CYP2F1: variants seen among roughly 807,000 people sequenced by gnomAD.
CYP2F1 encodes cytochrome P450 2F1.
A neutral mutation model predicts 40.4 loss-of-function variants in CYP2F1; 33 were observed. The observed-to-expected ratio is 0.82, with a 90% CI of 0.62 to 1.09. CYP2F1 has a LOEUF of 1.09. CYP2F1 is among the 50% of genes least tolerant of loss of function. The probability of loss-of-function intolerance (pLI) is 0.00; values close to 1 mark genes in which losing one functional copy is unlikely to be tolerated. For synonymous variants in CYP2F1, 235 were observed against 277.2 expected, an observed-to-expected ratio of 0.85 and a Z score of 1.51; for missense variants, 566 against 655.7, an observed-to-expected ratio of 0.86 and a Z score of 1.49.
chr19:41,127,590 T>C (rs1266269765), intron 9 of CYP2F1, among the ~76,000 whole-genome samples: 1 of 152,158 alleles, frequency 6.6e-6, no homozygotes, highest in Non-Finnish European at 1.5e-5. Flanking sequence ...TCCCTCGGCC[T>C]CCGAAAATGC....
At chr19:41,126,476 G>A (rs2032551230) in intron 9 of CYP2F1, among the ~76,000 whole-genome samples, 1 of 151,828 alleles carries the variant, frequency 6.6e-6, no homozygotes, top group South Asian at 2.1e-4. Context: ...CTTGGGCCAG[G>A]CACATTGGCT....
At chr19:41,124,554 C>T (rs1170012102) in intron 7 of CYP2F1, among the ~76,000 whole-genome samples, 165 bp from the exon 8 acceptor site, 1 of 152,130 alleles carries the variant, frequency 6.6e-6, no homozygotes, top group Non-Finnish European at 1.5e-5. Context: ...TGAGCCACCG[C>T]GCCCGGCCAG....
intron 6 of CYP2F1, 88 bp from the exon 7 acceptor site, chr19:41,122,734 C>G (rs1011295850): frequency 7.3e-7 from 1 of 1,363,330 alleles, no homozygotes; most frequent in East Asian, 2.6e-5. Context: ...CCAGCTGGGA[C>G]CGAATGGGCC....
intron 3 of CYP2F1, among the ~76,000 whole-genome samples, chr19:41,119,723 C>CTCTCTATATATATA (rs1478574507): frequency 1.4e-4 from 5 of 35,808 alleles, no homozygotes; most frequent in Non-Finnish European, 2.6e-4. Flanking sequence ...CTCTCTCTCT[C>CTCTCTATATATATA]TATATATATA....
chr19:41,119,399 G>A (rs994385913), intron 3 of CYP2F1, among the ~76,000 whole-genome samples: 1 of 151,556 alleles, frequency 6.6e-6, no homozygotes, highest in Non-Finnish European at 1.5e-5. Flanking sequence ...GATCTCCTGA[G>A]GTCAGGAGTT....
chr19:41,121,995 T>C lies in CYP2F1; in HGVS notation c.684T>C (p.Pro228=), dbSNP rs76594963. Residue 228 remains proline, a synonymous_variant, in exon 6 of 10, where the codon CCT becomes CCC. Coordinates refer to ENST00000331105, the MANE Select transcript of CYP2F1 (RefSeq NM_000774.5). ...DIFPSLLDWV[P]GPHQRIFQNF... is the part of the protein sequence containing the mutation. ...TCCCGAGCCTCCTGGACTGGGTGCC[T>C]GGGCCGCACCAACGCATCTTCCAGA... 37,947 of 1,612,670 alleles carry C rather than the reference T, an allele frequency of 0.024. 1,695 individuals are homozygous for C. The highest frequency in any genetic ancestry group is 0.19 in the African/African-American group (13,885 of 74,472).
At chr19:41,120,313 C>A in intron 3 of CYP2F1, 34 bp from the exon 4 acceptor site, 1 of 1,553,582 alleles carries the variant, frequency 6.4e-7, no homozygotes, top group South Asian at 1.2e-5. Context: ...AGGATGAGTT[C>A]CCGGTTAAGC....
At chr19:41,116,047 C>A (rs772315326) in intron 1 of CYP2F1, 131 bp from the exon 2 acceptor site, 26 of 779,826 alleles carry the variant, frequency 3.3e-5, no homozygotes, top group South Asian at 7.8e-5. Context: ...CTTCCCCATC[C>A]CCTGGCCTCT....
rs2031797433 is a variant in CYP2F1, at chr19:41,116,285, G to C, written c.97G>C (p.Gly33Arg). ...SSRDKGKLPP[G>R]PRPLSILGNL... ...AAGAGATAAGGGAAAGCTGCCTCCG[G>C]GACCCAGACCCCTCTCAATCCTGGG... The change falls in exon 2 of 10, where the codon GGA (glycine) becomes CGA (arginine). Residue 33 changes from glycine to arginine, a missense_variant. This residue lies in a region of CYP2F1 where 264 missense variants were observed against 275.7 expected (regional missense o/e 0.96). Transcript: ENST00000331105. The C allele has an allele frequency of 2.5e-6, 4 of 1,613,930 alleles. No individual in the cohort carries two copies. Among genetic ancestry groups the C allele is most frequent in the Non-Finnish European group, 3.4e-6 (4 of 1,180,012 alleles).
intron 3 of CYP2F1, 39 bp downstream of exon 3, chr19:41,116,656 C>T: frequency 6.2e-7 from 1 of 1,605,052 alleles, no homozygotes; most frequent in South Asian, 1.1e-5. Context: ...TCGGCCTTTT[C>T]CATATTGAGG....
chr19:41,122,004 C>T lies in CYP2F1; in HGVS notation c.693C>T (p.His231=), dbSNP rs756026367. The change falls in exon 6 of 10, where the codon CAC becomes CAT. Residue 231 remains histidine, a synonymous_variant. Transcript: ENST00000331105. ...TCCTGGACTGGGTGCCTGGGCCGCA[C>T]CAACGCATCTTCCAGAACTTCAAGT... ...PSLLDWVPGP[H]QRIFQNFKCL... 4 of 1,613,306 alleles carry T rather than the reference C, an allele frequency of 2.5e-6. No homozygotes were observed. The highest frequency in any genetic ancestry group is 2.2e-5 in the South Asian group (2 of 91,046).
At chr19:41,118,748 G>C (rs986483373) in intron 3 of CYP2F1, among the ~76,000 whole-genome samples, 1 of 152,194 alleles carries the variant, frequency 6.6e-6, no homozygotes, top group South Asian at 2.1e-4. Flanking sequence ...GTACCCTTGG[G>C]CCAGAGGCCT....
intron 1 of CYP2F1, 77 bp from the exon 2 acceptor site, chr19:41,116,101 G>A (rs1027631043): frequency 5.8e-6 from 8 of 1,381,644 alleles, no homozygotes; most frequent in African/African-American, 1.4e-5. Context: ...CAGGGCCTAG[G>A]GAAGGTAAGT....
chr19:41,124,768 G>T lies in CYP2F1; in HGVS notation c.1014G>T (p.Pro338=). The change falls in exon 8 of 10, where the codon CCG becomes CCT. Residue 338 remains proline, a synonymous_variant. Coordinates refer to ENST00000331105, the MANE Select transcript of CYP2F1 (RefSeq NM_000774.5). The part of the protein sequence containing the change: ...IDLVVGRARL[P]ALKDRAAMPY... ...TCGTGGTGGGACGCGCGCGGCTGCC[G>T]GCGCTGAAGGACCGCGCGGCCATGC... 1 of 1,608,138 alleles carries T rather than the reference G, an allele frequency of 6.2e-7. No individual in the cohort carries two copies. The highest frequency in any genetic ancestry group is 1.1e-5 in the South Asian group (1 of 90,924).
At chr19:41,118,331 C>T (rs1477313537) in intron 3 of CYP2F1, among the ~76,000 whole-genome samples, 1 of 151,910 alleles carries the variant, frequency 6.6e-6, no homozygotes, top group Non-Finnish European at 1.5e-5. Context: ...GGAAGGAAGC[C>T]ATCATGATTG....
Position 41,119,683 on chromosome 19 carries a change from GTC to G in CYP2F1, c.335-624_335-623del, listed in dbSNP as rs1159535426. ...CAGCCTGGCAACAGAGCAAGACTCC[GTC>G]TCTCTCTCTCTCTCTCTCTCTCTCT... is the stretch of plus-strand genomic sequence containing the variant. On this transcript the variant is annotated intron_variant, in intron 3 of 9. Transcript: ENST00000331105. Among the ~76,000 whole-genome samples the G allele has an allele frequency of 5.0e-3, 67 of 13,400 alleles. 2 individuals are homozygous for G. The highest frequency in any genetic ancestry group is 7.5e-3 in the South Asian group (2 of 266). 8.8% of individuals were successfully genotyped at this position (13,400 alleles called of 152,430 possible). A position where few individuals can be genotyped will look rare whatever the true frequency, so the allele number is the denominator to read the frequency against.
At chr19:41,124,436 C>G (rs2032427682) in intron 7 of CYP2F1, among the ~76,000 whole-genome samples, 1 of 151,654 alleles carries the variant, frequency 6.6e-6, no homozygotes, top group South Asian at 2.1e-4. Context: ...GCTAATTTTT[C>G]TATTTTGTTG....
At chr19:41,121,914 C>G in intron 5 of CYP2F1, 43 bp from the exon 6 acceptor site, 1 of 1,575,122 alleles carries the variant, frequency 6.3e-7, no homozygotes, top group Admixed American at 1.7e-5. Context: ...CCTGAACACC[C>G]TTTGTCCTCC....
chr19:41,116,171 C>T lies in CYP2F1; in HGVS notation c.-11-7C>T, dbSNP rs773237959. 1.9e-6 allele frequency: 3 copies of T among 1,606,214 alleles called. No homozygotes were observed. The highest frequency in any genetic ancestry group is 2.5e-6 in the Non-Finnish European group (3 of 1,176,486). The stretch of plus-strand genomic sequence containing the variant: ...CCTCTCCCACTTTGCCCTCCACACG[C>T]CAGCAGCTGCCTTCACCATGGACAG... On this transcript the variant is annotated splice_region_variant and splice_polypyrimidine_tract_variant and intron_variant, in intron 1 of 9. Coordinates refer to ENST00000331105, the MANE Select transcript of CYP2F1 (RefSeq NM_000774.5).
Sources: allele counts gnomAD v4.1 joint callset (sites outside exome capture counted in the v4.1 genomes callset), GRCh38; gene constraint gnomAD v4.1.1; regional missense constraint gnomAD v4.1.1; transcripts MANE v1.5; gene names NCBI Gene and HGNC (gene_info 2026-07-23, HGNC 2026-07-21).